TEX9: variants seen among roughly 807,000 people sequenced by gnomAD.
TEX9 encodes testis expressed 9, also known as testis-expressed protein 9.
TEX9 carries 74 observed loss-of-function variants against 59.6 expected under a neutral mutation model. The observed-to-expected ratio is 1.24, with a 90% CI of 1.03 to 1.51. TEX9 has a LOEUF of 1.51. Ranked by LOEUF, TEX9 falls within the 40% of genes most tolerant of loss-of-function variation. The pLI is 0.00. For missense variants in TEX9, 522 were observed against 447.8 expected, an observed-to-expected ratio of 1.17 and a Z score of -1.49; for synonymous variants, 186 against 152.2, an observed-to-expected ratio of 1.22 and a Z score of -1.64.
intron 1 of TEX9, among the ~76,000 whole-genome samples, chr15:56,335,192 C>T (rs529274706): frequency 9.9e-5 from 15 of 152,100 alleles, no homozygotes; most frequent in Non-Finnish European, 1.9e-4. Flanking sequence ...GAACAGGTAT[C>T]TACACTCTCA....
At chr15:56,365,764 G>C in intron 2 of TEX9, 94 bp downstream of exon 2, 2 of 1,543,626 alleles carry the variant, frequency 1.3e-6, no homozygotes, top group South Asian at 2.5e-5. Context: ...TGGATCTTCG[G>C]GACCACTCAC....
intron 1 of TEX9, among the ~76,000 whole-genome samples, chr15:56,280,810 A>C (rs1157585449): frequency 6.6e-6 from 1 of 152,246 alleles, no homozygotes; most frequent in African/African-American, 2.4e-5. Flanking sequence ...CCTAAGACTG[A>C]GTATTAATTA....
chr15:56,384,235 C>T (rs1015260661), intron 4 of TEX9, among the ~76,000 whole-genome samples: 2 of 152,026 alleles, frequency 1.3e-5, no homozygotes, highest in Admixed American at 1.3e-4. Flanking sequence ...TATTCTTGTC[C>T]TCATTTTTAA....
intron 1 of TEX9, among the ~76,000 whole-genome samples, chr15:56,317,737 C>G (rs1175298314): frequency 1.3e-5 from 2 of 152,020 alleles, no homozygotes; most frequent in East Asian, 1.9e-4. Context: ...CAAGGTATTT[C>G]CTAATTTCCC....
chr15:56,314,527 A>C (rs1307412017), intron 1 of TEX9, among the ~76,000 whole-genome samples: 2 of 146,842 alleles, frequency 1.4e-5, no homozygotes, highest in Admixed American at 1.4e-4. Flanking sequence ...GTTTGTTATA[A>C]TTTCTGTTCT....
chr15:56,447,221 A>G (rs2050912340), downstream of TEX9: 2 of 223,946 alleles, frequency 8.9e-6, no homozygotes, highest in South Asian at 1.1e-4. Context: ...GTAAATTATA[A>G]TACGTCTACA....
chr15:56,274,170 A>G (rs764101315), intron 1 of TEX9, among the ~76,000 whole-genome samples: 4 of 151,770 alleles, frequency 2.6e-5, no homozygotes, highest in Non-Finnish European at 5.9e-5. Context: ...AGCCGTTTTT[A>G]TTTACCCACC....
chr15:56,279,410 A>G (rs571098247), intron 1 of TEX9, among the ~76,000 whole-genome samples: 5 of 152,174 alleles, frequency 3.3e-5, no homozygotes, highest in Admixed American at 1.3e-4. Flanking sequence ...TTCTTAACTC[A>G]TTATCAAGGG....
intron 1 of TEX9, among the ~76,000 whole-genome samples, chr15:56,272,824 C>G (rs1335860044): frequency 6.6e-6 from 1 of 152,134 alleles, no homozygotes; most frequent in Non-Finnish European, 1.5e-5. Context: ...AGATTTAAAT[C>G]TATCATCTTG....
chr15:56,440,123 A>G (rs1447250165), intron 12 of TEX9, among the ~76,000 whole-genome samples: 1 of 152,200 alleles, frequency 6.6e-6, no homozygotes. Flanking sequence ...CTATTTCATC[A>G]AAGAGGATCT....
chr15:56,355,187 A>G (rs1371783157), intron 1 of TEX9, among the ~76,000 whole-genome samples: 1 of 152,138 alleles, frequency 6.6e-6, no homozygotes, highest in Admixed American at 6.6e-5. Context: ...CCATAACTTA[A>G]TATTAGTGAA....
intron 1 of TEX9, among the ~76,000 whole-genome samples, chr15:56,246,603 A>G (rs2043863661): frequency 6.6e-6 from 1 of 152,184 alleles, no homozygotes; most frequent in African/African-American, 2.4e-5. Context: ...GCAACCCTGT[A>G]CTGAGGACCC....
chr15:56,437,839 C>G (rs2050754463), intron 12 of TEX9, among the ~76,000 whole-genome samples: 1 of 152,026 alleles, frequency 6.6e-6, no homozygotes, highest in South Asian at 2.1e-4. Flanking sequence ...GACAGAGAGC[C>G]AAATCATGAG....
chr15:56,428,216 A>G (rs2050412056), intron 11 of TEX9, 151 bp from the exon 12 acceptor site: 1 of 561,108 alleles, frequency 1.8e-6, no homozygotes, highest in Non-Finnish European at 3.1e-6. Context: ...TACCATTTCA[A>G]ATATCATGCT....
At chr15:56,296,927 G>GA (rs1449056490) in intron 1 of TEX9, among the ~76,000 whole-genome samples, 1 of 152,100 alleles carries the variant, frequency 6.6e-6, no homozygotes, top group Non-Finnish European at 1.5e-5. Flanking sequence ...ATTGAACGTA[G>GA]ATGTTAATCC....
intron 3 of TEX9, among the ~76,000 whole-genome samples, chr15:56,375,120 C>T (rs1413334336): frequency 1.3e-5 from 2 of 152,092 alleles, no homozygotes; most frequent in African/African-American, 4.8e-5. Flanking sequence ...AACTAGTTTA[C>T]AGTCCCACCA....
At chr15:56,459,806 C>T in the TEX9 span, among the ~76,000 whole-genome samples, 5 of 150,214 alleles carry the variant, frequency 3.3e-5, no homozygotes, top group Non-Finnish European at 5.9e-5. Flanking sequence ...GCCTGACCAA[C>T]GTGGAGAAAC....
intron 1 of TEX9, among the ~76,000 whole-genome samples, chr15:56,353,839 TC>T (rs1470443252): frequency 6.6e-6 from 1 of 152,204 alleles, no homozygotes; most frequent in Non-Finnish European, 1.5e-5. Context: ...CTAATTTCCC[TC>T]TAATATGGCT....
chr15:56,440,413 G>A (rs1262174096), intron 12 of TEX9, among the ~76,000 whole-genome samples: 1 of 152,218 alleles, frequency 6.6e-6, no homozygotes, highest in African/African-American at 2.4e-5. Flanking sequence ...TTGGCAGTCT[G>A]TTACACAGCT....
Sources: gnomAD v4.1 joint callset for allele counts (sites outside exome capture counted in the v4.1 genomes callset) on GRCh38, gnomAD v4.1.1 for gene constraint, MANE v1.5 for transcripts, NCBI Gene and HGNC (gene_info 2026-07-23, HGNC 2026-07-21) for gene names.